Variants in COL5A1 observed in about 807,000 individuals in gnomAD.
COL5A1 encodes the protein collagen type V alpha 1 chain.
A neutral mutation model predicts 263.7 loss-of-function variants in COL5A1; 16 were observed. That is an observed-to-expected ratio of 0.06 (90% CI 0.04 to 0.09). The LOEUF (loss-of-function observed/expected upper bound fraction) is 0.09, where lower values mean the gene tolerates loss of function less well. Among genes scored for constraint, COL5A1 ranks in the 10% least tolerant of loss-of-function variants. The probability of loss-of-function intolerance (pLI) is 1.00; values close to 1 mark genes in which losing one functional copy is unlikely to be tolerated. For missense variants in COL5A1, 2,036 were observed against 2,540.5 expected, an observed-to-expected ratio of 0.80 and a Z score of 4.27; for synonymous variants, 1,012 against 1,004.5, an observed-to-expected ratio of 1.01 and a Z score of -0.14.
chr9:134,802,719 T>G (rs1049847410), intron 38 of COL5A1, among the ~76,000 whole-genome samples, 169 bp from the exon 39 acceptor site: 1 of 152,204 alleles, frequency 6.6e-6, no homozygotes. Flanking sequence ...ACACCCACCC[T>G]CTAGATTTTT....
chr9:134,689,392 C>T (rs1833192977), intron 1 of COL5A1, among the ~76,000 whole-genome samples: 1 of 152,214 alleles, frequency 6.6e-6, no homozygotes, highest in Non-Finnish European at 1.5e-5. Context: ...AGGAGGCCCA[C>T]ACCACTGCAC....
intron 59 of COL5A1, 59 bp from the exon 60 acceptor site, chr9:134,822,939 C>T: frequency 6.2e-7 from 1 of 1,602,688 alleles, no homozygotes; most frequent in Non-Finnish European, 8.5e-7. Flanking sequence ...GGACATGGAG[C>T]ACGGTGGGGC....
chr9:134,678,524 G>A lies in COL5A1; in HGVS notation c.110-12388G>A, dbSNP rs551058476. ...TGGTGCCAGCCCCGGGAAGCTGTCTGCATCCCTGCAGGGCAAGCACCTGCT... is the reference window on the plus strand; with the variant it reads ...TGGTGCCAGCCCCGGGAAGCTGTCTACATCCCTGCAGGGCAAGCACCTGCT... On this transcript the variant is annotated intron_variant, in intron 1 of 65. Transcript: ENST00000371817. The surrounding 1 kb of genome is among the most constrained non-coding windows in gnomAD (Gnocchi z 5.5). Among the ~76,000 whole-genome samples, 4 of 152,350 alleles carry A rather than the reference G, an allele frequency of 2.6e-5. No homozygotes were observed. Among genetic ancestry groups the A allele is most frequent in the Middle Eastern group, 3.4e-3 (1 of 294 alleles).
rs190257696 is a variant in COL5A1, at chr9:134,794,900, C to T, written c.2701-182C>T. On this transcript the variant is annotated intron_variant, in intron 32 of 65. Coordinates refer to ENST00000371817, the MANE Select transcript of COL5A1 (RefSeq NM_000093.5). This position sits in a 1 kb window ranked among gnomAD's most constrained non-coding sequence, Gnocchi z 4.3. ...TGCAAAGCTGTGTGTGTCGGGTGTG[C>T]GGTGAGCTTCTCGCCCTGATAAATC... Among the ~76,000 whole-genome samples the T allele has an allele frequency of 5.3e-5, 8 of 152,214 alleles. No homozygotes were observed. Among genetic ancestry groups the T allele is most frequent in the East Asian group, 1.9e-4 (1 of 5,162 alleles).
chr9:134,809,589 G>A (rs77530312), intron 43 of COL5A1, among the ~76,000 whole-genome samples: 5 of 152,314 alleles, frequency 3.3e-5, no homozygotes, highest in East Asian at 3.9e-4. Flanking sequence ...AATGCTCCCC[G>A]GTCCCCCCGA....
Position 134,700,394 on chromosome 9 carries a change from G to T in COL5A1, c.491+272G>T, listed in dbSNP as rs879463240. ...GTGCACTAAAGCACATCAAATTCCC[G>T]CCTGTTTGTGTCAGAAGGGACACAG... On this transcript the variant is annotated intron_variant, in intron 3 of 65. Transcript: ENST00000371817. The surrounding 1 kb of genome is among the most constrained non-coding windows in gnomAD (Gnocchi z 4.0). Among the ~76,000 whole-genome samples the T allele has an allele frequency of 6.6e-6, 1 of 152,132 alleles. No homozygotes were observed. The highest frequency in any genetic ancestry group is 6.5e-5 in the Admixed American group (1 of 15,278).
At chr9:134,775,944 CTCTGGCTGGT>C (rs1837037909) in intron 27 of COL5A1, among the ~76,000 whole-genome samples, 1 of 152,218 alleles carries the variant, frequency 6.6e-6, no homozygotes, top group Admixed American at 6.5e-5. Context: ...ACCCTCCTGA[CTCTGGCTGGT>C]CACCCCTCAC....
chr9:134,675,325 A>G (rs570482206), intron 1 of COL5A1, among the ~76,000 whole-genome samples: 208 of 152,174 alleles, frequency 1.4e-3, no homozygotes, highest in African/African-American at 4.6e-3. Context: ...CTGAATGAGA[A>G]TTTGCATCCT....
At chr9:134,829,340 G>A (rs760148548) in intron 63 of COL5A1, among the ~76,000 whole-genome samples, 169 of 145,700 alleles carry the variant, frequency 1.2e-3, no homozygotes, top group East Asian at 4.4e-3. Flanking sequence ...CAGTCTCCCC[G>A]AGGGCTGGGG....
chr9:134,807,042 G>A (rs4076272), intron 42 of COL5A1, among the ~76,000 whole-genome samples: 6,662 of 152,198 alleles, frequency 0.044, 507 homozygotes, highest in African/African-American at 0.15. Flanking sequence ...GCCTGCTTTC[G>A]TGAATAACCC....
In COL5A1 at chr9:134,780,046, C is replaced by G; in HGVS notation, c.2386-56C>G. ...CTGTCTTGACACGCCTGCGACAGCTCTAGAAAGGCTGAGACTTGTAACCAT... is the reference window on the plus strand; with the variant it reads ...CTGTCTTGACACGCCTGCGACAGCTGTAGAAAGGCTGAGACTTGTAACCAT... On this transcript the variant is annotated intron_variant, in intron 27 of 65. Transcript: ENST00000371817. The G allele has an allele frequency of 1.9e-6, 3 of 1,603,502 alleles. No individual in the cohort carries two copies. In the South Asian group the frequency reaches 3.3e-5, roughly 18 times the overall value.
rs1564449254 is a variant in COL5A1 at position 134,772,652 on chromosome 9, G to A, written c.2287-138G>A. 9 of 992,340 alleles carry A rather than the reference G, an allele frequency of 9.1e-6. No individual in the cohort carries two copies. The South Asian group carries it at 1.0e-4, about 11-fold the overall frequency. The allele number at this position is 992,340 out of a possible 1,614,324, so 61.5% of individuals were successfully genotyped here. A position where few individuals can be genotyped will look rare whatever the true frequency, so the allele number is the denominator to read the frequency against. Reference sequence around the variant, plus strand: ...CTTGGCTGCCTGGCCAGCTGCCTTCGACTTCTGGTGCTCTCAGTTTTCCTG... The same window carrying A: ...CTTGGCTGCCTGGCCAGCTGCCTTCAACTTCTGGTGCTCTCAGTTTTCCTG... On this transcript the variant is annotated intron_variant, in intron 25 of 65. Coordinates refer to ENST00000371817, the MANE Select transcript of COL5A1 (RefSeq NM_000093.5).
chr9:134,822,912 C>T (rs935686483), intron 59 of COL5A1, 86 bp from the exon 60 acceptor site: 55 of 1,498,474 alleles, frequency 3.7e-5, no homozygotes, highest in Admixed American at 8.4e-5. Flanking sequence ...GGGCGAGGGG[C>T]GAGACCAGGC....
At chr9:134,744,760 C>T (rs561825085) in intron 11 of COL5A1, among the ~76,000 whole-genome samples, 2 of 152,254 alleles carry the variant, frequency 1.3e-5, no homozygotes, top group South Asian at 2.1e-4. Context: ...CACATTCATG[C>T]ACATGCTCAC....
rs139465852 is a variant in COL5A1 at position 134,785,743 on chromosome 9, G to T, written c.2593-252G>T. Among the ~76,000 whole-genome samples the T allele has an allele frequency of 3.9e-3, 588 of 152,336 alleles. 3 individuals are homozygous for T. The highest frequency in any genetic ancestry group is 0.013 in the African/African-American group (552 of 41,578). On this transcript the variant is annotated intron_variant, in intron 30 of 65. Coordinates refer to ENST00000371817, the MANE Select transcript of COL5A1 (RefSeq NM_000093.5). ...TAATCGCTTTGCTCCACAGTGGCAA[G>T]ACCTCTCCTCCAGGGGCCTTCGCTT...
chr9:134,761,274 C>A (rs1348057186), intron 18 of COL5A1, among the ~76,000 whole-genome samples: 1 of 151,722 alleles, frequency 6.6e-6, no homozygotes, highest in Non-Finnish European at 1.5e-5. Flanking sequence ...CACTCGCATA[C>A]ACACATGCAC....
Position 134,820,695 on chromosome 9 carries a change from A to G in COL5A1, c.4554+472A>G, listed in dbSNP as rs112269906. On this transcript the variant is annotated intron_variant, in intron 58 of 65. Coordinates refer to ENST00000371817, the MANE Select transcript of COL5A1 (RefSeq NM_000093.5). ...TTGGAGTTTGCAGCCTCTGCAAACC[A>G]TAGCCAAGGAAACGCCATGCAGAGA... Among the ~76,000 whole-genome samples, 886 of 152,314 alleles carry G rather than the reference A, an allele frequency of 5.8e-3. 11 individuals carry two copies. Among genetic ancestry groups the G allele is most frequent in the African/African-American group, 0.02 (843 of 41,568 alleles).
In COL5A1 at chr9:134,841,523, C is replaced by A. The variant is rs567540225; in HGVS notation, c.5371-634C>A. The stretch of plus-strand genomic sequence containing the variant: ...GCAGGCCAGGTTCATTGCACTACCC[C>A]TGCCCTCTGTGCCTCAGTTTACCTA... On this transcript the variant is annotated intron_variant, in intron 65 of 65. Transcript: ENST00000371817. This position sits in a 1 kb window ranked among gnomAD's most constrained non-coding sequence, Gnocchi z 4.8. Among the ~76,000 whole-genome samples, 6 of 152,272 alleles carry A rather than the reference C, an allele frequency of 3.9e-5. No homozygotes were observed. The South Asian group carries it at 1.2e-3, about 32-fold the overall frequency.
intron 1 of COL5A1, chr9:134,653,527 C>T (rs904060268): frequency 6.6e-6 from 1 of 152,458 alleles, no homozygotes; most frequent in African/African-American, 2.4e-5. Flanking sequence ...TCCAAACTCA[C>T]CTCAGCTTGC....
Sources: allele counts gnomAD v4.1 joint callset (sites outside exome capture counted in the v4.1 genomes callset), GRCh38; gene constraint gnomAD v4.1.1; non-coding constraint Gnocchi (gnomAD v3.1); transcripts MANE v1.5; gene names NCBI Gene and HGNC (gene_info 2026-07-23, HGNC 2026-07-21).